TMEM117: variants seen among roughly 807,000 people sequenced by gnomAD.
The protein encoded by TMEM117 is transmembrane protein 117.
In TMEM117, 27 loss-of-function variants were observed where a neutral mutation model predicts 52.4. The observed-to-expected ratio is 0.51, with a 90% confidence interval of 0.38 to 0.71. The LOEUF is 0.71. Ranked by LOEUF, TMEM117 falls within the 30% of genes least tolerant of loss-of-function variation. The pLI, the probability that TMEM117 is intolerant of heterozygous loss-of-function variation, is 0.00. For synonymous variants in TMEM117, 215 were observed against 206.3 expected, an observed-to-expected ratio of 1.04 and a Z score of -0.36; for missense variants, 556 against 630.5, an observed-to-expected ratio of 0.88 and a Z score of 1.26.
chr12:44,253,270 T>C lies in TMEM117; in HGVS notation c.608+41883T>C, dbSNP rs182274593. ...TATATGATCAAAAATTAAAACATTA[T>C]GTTACTGGTCCAAGAATCAAGAGAC... On this transcript the variant is annotated intron_variant, in intron 5 of 7. Transcript: ENST00000266534. 2.6e-3 allele frequency among the ~76,000 whole-genome samples: 403 copies of C among 152,334 alleles called. 1 individual carries two copies. Among genetic ancestry groups the C allele is most frequent in the South Asian group, 4.3e-3 (21 of 4,828 alleles).
At chr12:44,366,802 T>G (rs1336652136) in intron 6 of TMEM117, among the ~76,000 whole-genome samples, 1 of 152,144 alleles carries the variant, frequency 6.6e-6, no homozygotes, top group Non-Finnish European at 1.5e-5. Context: ...AGCCTATTGT[T>G]TCCAAAAGCC....
chr12:43,949,879 T>G (rs1479769157), intron 3 of TMEM117, among the ~76,000 whole-genome samples: 1 of 152,198 alleles, frequency 6.6e-6, no homozygotes, highest in Non-Finnish European at 1.5e-5. Flanking sequence ...GATTTTAATA[T>G]ACAGTTTCCT....
At chr12:44,297,390 G>T (rs1379974602) in intron 5 of TMEM117, among the ~76,000 whole-genome samples, 1 of 152,144 alleles carries the variant, frequency 6.6e-6, no homozygotes, top group Admixed American at 6.5e-5. Flanking sequence ...ATAGACACTG[G>T]CTATAGAATT....
intron 3 of TMEM117, among the ~76,000 whole-genome samples, chr12:44,030,084 C>A (rs928819532): frequency 4.6e-5 from 7 of 152,052 alleles, no homozygotes; most frequent in Middle Eastern, 3.2e-3. Context: ...GAGCTTAAAT[C>A]AAATATTTTG....
At chr12:43,843,221 G>T (rs186264279) in intron 1 of TMEM117, among the ~76,000 whole-genome samples, 2 of 152,264 alleles carry the variant, frequency 1.3e-5, no homozygotes. Flanking sequence ...TGGGAGAGAA[G>T]AAAAATGAAT....
At chr12:44,363,079 T>C (rs982021428) in intron 6 of TMEM117, among the ~76,000 whole-genome samples, 1 of 152,060 alleles carries the variant, frequency 6.6e-6, no homozygotes, top group Non-Finnish European at 1.5e-5. Flanking sequence ...GTAAGGTCAT[T>C]TAGAGCCAGG....
rs559304203 is a variant in TMEM117, at chr12:44,310,457, GGA to G, written c.768+10721_768+10722del. 4.1e-3 allele frequency among the ~76,000 whole-genome samples: 618 copies of G among 152,284 alleles called. 6 individuals carry two copies. The highest frequency in any genetic ancestry group is 0.014 in the African/African-American group (596 of 41,552). ...AGTTCAAGACCAGCCTGATCAACAT[GGA>G]GAAACCCCATCTCTACTAAAAATAC... On this transcript the variant is annotated intron_variant, in intron 6 of 7. Transcript: ENST00000266534.
chr12:44,332,340 A>G (rs1475417350), intron 6 of TMEM117, among the ~76,000 whole-genome samples: 1 of 152,116 alleles, frequency 6.6e-6, no homozygotes, highest in Non-Finnish European at 1.5e-5. Flanking sequence ...TGGAAAAAAT[A>G]TCTTCTTACT....
chr12:43,902,246 C>A (rs569707745), intron 2 of TMEM117, among the ~76,000 whole-genome samples: 116 of 152,236 alleles, frequency 7.6e-4, no homozygotes, highest in Middle Eastern at 3.4e-3. Flanking sequence ...ACTATAGACA[C>A]TGGGGGAAAG....
the TMEM117 span, among the ~76,000 whole-genome samples, chr12:43,806,636 TGATCATTTTACCAAA>T: frequency 6.6e-6 from 1 of 152,160 alleles, no homozygotes; most frequent in African/African-American, 2.4e-5. Flanking sequence ...AAAACGGAAG[TGATCATTTTACCAAA>T]TAGGCATTTT....
intron 5 of TMEM117, among the ~76,000 whole-genome samples, chr12:44,236,649 G>T (rs754232811): frequency 9.9e-5 from 15 of 152,026 alleles, no homozygotes; most frequent in Admixed American, 3.3e-4. Context: ...TTGTTTTCTT[G>T]CATACCCAGT....
the TMEM117 span, chr12:43,799,553 C>A: frequency 1.8e-6 from 2 of 1,084,616 alleles, no homozygotes; most frequent in Non-Finnish European, 2.6e-6. Flanking sequence ...AGTAAAATGA[C>A]AGTGAAGTTA....
intron 3 of TMEM117, among the ~76,000 whole-genome samples, chr12:44,126,552 G>A (rs1052851567): frequency 6.6e-6 from 1 of 152,168 alleles, no homozygotes; most frequent in African/African-American, 2.4e-5. Context: ...AATGGTTTCT[G>A]ACCTTCAAAG....
intron 5 of TMEM117, among the ~76,000 whole-genome samples, chr12:44,263,239 A>G (rs990565024): frequency 6.6e-6 from 1 of 152,216 alleles, no homozygotes; most frequent in Admixed American, 6.5e-5. Flanking sequence ...TGGTCAAAAA[A>G]CATATGAAAA....
chr12:44,009,638 T>C (rs1946257659), intron 3 of TMEM117: 1 of 238,176 alleles, frequency 4.2e-6, no homozygotes, highest in East Asian at 1.0e-4. Context: ...GAACACTCGC[T>C]TTGGTTAGGG....
intron 2 of TMEM117, among the ~76,000 whole-genome samples, chr12:43,919,414 C>T (rs1171593816): frequency 6.6e-6 from 1 of 152,224 alleles, no homozygotes; most frequent in Non-Finnish European, 1.5e-5. Flanking sequence ...TGGCTTGTTT[C>T]ACCTGGCATA....
At chr12:43,845,005 C>G (rs960927982) in intron 2 of TMEM117, 77 bp downstream of exon 2, 16 of 1,512,816 alleles carry the variant, frequency 1.1e-5, no homozygotes, top group Non-Finnish European at 1.3e-5. Context: ...TTTGCTATTT[C>G]TAAGTGCCAA....
At chr12:44,376,003 C>T (rs1951935911) in intron 6 of TMEM117, among the ~76,000 whole-genome samples, 1 of 152,170 alleles carries the variant, frequency 6.6e-6, no homozygotes, top group African/African-American at 2.4e-5. Context: ...ATCCCTCATG[C>T]TACCATGTCA....
intron 3 of TMEM117, among the ~76,000 whole-genome samples, chr12:44,085,386 A>G (rs547652427): frequency 1.3e-5 from 2 of 152,224 alleles, no homozygotes; most frequent in African/African-American, 2.4e-5. Flanking sequence ...GATACAGAAC[A>G]TGTATTCATT....
Sources: gnomAD v4.1 joint callset for allele counts (sites outside exome capture counted in the v4.1 genomes callset) on GRCh38, gnomAD v4.1.1 for gene constraint, MANE v1.5 for transcripts, NCBI Gene and HGNC (gene_info 2026-07-23, HGNC 2026-07-21) for gene names.